The following PRSS38 variants were observed in gnomAD, a reference collection of about 807,000 sequenced individuals.
PRSS38 encodes the protein serine protease 38, also known as marapsin 2.
Under a neutral mutation model 26.8 loss-of-function variants are expected in PRSS38, and 22 were observed. That is an observed-to-expected ratio of 0.82 (90% CI 0.59 to 1.17). The LOEUF is 1.17. PRSS38 is among the 50% of genes most tolerant of loss of function. The probability of loss-of-function intolerance (pLI) is 0.00; values close to 1 mark genes in which losing one functional copy is unlikely to be tolerated. For missense variants in PRSS38, 427 were observed against 422.7 expected, an observed-to-expected ratio of 1.01 and a Z score of -0.09; for synonymous variants, 175 against 172.1, an observed-to-expected ratio of 1.02 and a Z score of -0.13.
At chr1:227,839,723 T>C (rs1041013727) in intron 3 of PRSS38, among the ~76,000 whole-genome samples, 8 of 152,100 alleles carry the variant, frequency 5.3e-5, no homozygotes, top group Non-Finnish European at 1.0e-4. Context: ...ACCACTCTTT[T>C]TGAGGTAACA....
intron 3 of PRSS38, among the ~76,000 whole-genome samples, chr1:227,830,763 C>A (rs532062292): frequency 2.4e-4 from 36 of 152,052 alleles, no homozygotes; most frequent in Admixed American, 1.5e-3. Context: ...CCTCGGCCCC[C>A]CAAAGTGCTG....
chr1:227,829,032 T>C (rs1345486067), intron 3 of PRSS38, among the ~76,000 whole-genome samples: 2 of 152,174 alleles, frequency 1.3e-5, no homozygotes, highest in Non-Finnish European at 2.9e-5. Flanking sequence ...AGGGATTCCT[T>C]TGGGTCCATG....
rs568792586 is a variant in PRSS38 at position 227,828,491 on chromosome 1, C to T, written c.583+11011C>T. On this transcript the variant is annotated intron_variant, in intron 3 of 4. Transcript: ENST00000366757. The stretch of plus-strand genomic sequence containing the variant: ...TGAGCCTCACCTCCATGGCACCCCA[C>T]AAGTTAAGACTACTGGCTTGGAATT... Among the ~76,000 whole-genome samples the T allele has an allele frequency of 3.3e-5, 5 of 152,288 alleles. No homozygotes were observed. The East Asian group carries it at 9.6e-4, about 29-fold the overall frequency.
intron 3 of PRSS38, among the ~76,000 whole-genome samples, chr1:227,834,613 G>A (rs1447217589): frequency 6.6e-6 from 1 of 152,024 alleles, no homozygotes; most frequent in African/African-American, 2.4e-5. Flanking sequence ...AGGTTGCAGT[G>A]AGCCGAGATT....
At chr1:227,822,990 T>G (rs192941383) in intron 3 of PRSS38, among the ~76,000 whole-genome samples, 3 of 152,348 alleles carry the variant, frequency 2.0e-5, no homozygotes, top group East Asian at 3.9e-4. Flanking sequence ...GTTTGCTACA[T>G]GGATATATTG....
chr1:227,817,503 T>C (rs1664941264), intron 3 of PRSS38, 23 bp downstream of exon 3: 1 of 1,606,510 alleles, frequency 6.2e-7, no homozygotes, highest in South Asian at 1.1e-5. Flanking sequence ...TGCAGGGCTT[T>C]GTGGGCAGGA....
intron 3 of PRSS38, among the ~76,000 whole-genome samples, chr1:227,835,892 T>C (rs749116289): frequency 2.6e-5 from 4 of 152,200 alleles, no homozygotes; most frequent in Non-Finnish European, 5.9e-5. Context: ...TGCCACTGAT[T>C]TGTCTGCTTT....
At chr1:227,815,888 T>C (rs1337424277) in intron 1 of PRSS38, 24 bp downstream of exon 1, 1 of 1,582,708 alleles carries the variant, frequency 6.3e-7, no homozygotes, top group South Asian at 1.1e-5. Context: ...CAGGGGCGGA[T>C]GGGCGGCTGG....
At chr1:227,842,020 G>T (rs547364337) in intron 3 of PRSS38, among the ~76,000 whole-genome samples, 5 of 152,174 alleles carry the variant, frequency 3.3e-5, no homozygotes, top group African/African-American at 1.2e-4. Flanking sequence ...TTAACAACCA[G>T]CTCTCTCTGT....
intron 3 of PRSS38, among the ~76,000 whole-genome samples, chr1:227,840,073 T>A (rs1665296308): frequency 1.3e-5 from 2 of 152,176 alleles, no homozygotes; most frequent in Admixed American, 6.5e-5. Context: ...TCAGATCCAC[T>A]CCATTGCTTG....
At chr1:227,846,320 A>C (rs1406972900) in exon 5 of PRSS38, 2 of 1,375,764 alleles carry the variant, frequency 1.5e-6, no homozygotes, top group African/African-American at 2.9e-5. Flanking sequence ...GACAAGGGCC[A>C]CCTATCCCGG....
intron 4 of PRSS38, 102 bp downstream of exon 4, chr1:227,845,714 C>A: frequency 7.2e-7 from 1 of 1,387,412 alleles, no homozygotes; most frequent in Non-Finnish European, 9.9e-7. Flanking sequence ...AGGAGCCCTG[C>A]AGCCATGCCC....
At chr1:227,840,433 T>C (rs1665320372) in intron 3 of PRSS38, among the ~76,000 whole-genome samples, 1 of 149,964 alleles carries the variant, frequency 6.7e-6, no homozygotes, top group South Asian at 2.1e-4. Flanking sequence ...CACTTTTAAA[T>C]GGTTGGGGCG....
At chr1:227,831,314 C>T (rs1256013535) in intron 3 of PRSS38, among the ~76,000 whole-genome samples, 1 of 152,094 alleles carries the variant, frequency 6.6e-6, no homozygotes, top group Non-Finnish European at 1.5e-5. Context: ...TTGGTGAATT[C>T]CAAATAAAAT....
In PRSS38 at chr1:227,828,356, A is replaced by G. The variant is rs150723537; in HGVS notation, c.583+10876A>G. Among the ~76,000 whole-genome samples the G allele has an allele frequency of 9.7e-4, 148 of 152,284 alleles. 2 individuals are homozygous for G. The highest frequency in any genetic ancestry group is 2.9e-3 in the Admixed American group (45 of 15,286). The stretch of plus-strand genomic sequence containing the variant: ...TTGTAGGTCTCTAATAACTTGCGTT[A>G]TGAATCTGGGTGCTCCTGTATTGGG... On this transcript the variant is annotated intron_variant, in intron 3 of 4. Coordinates refer to ENST00000366757, the Ensembl canonical transcript of PRSS38.
At chr1:227,817,344 T>C (rs776548605) in exon 3 of PRSS38, 1 of 1,613,956 alleles carries the variant, frequency 6.2e-7, no homozygotes, top group Non-Finnish European at 8.5e-7. Flanking sequence ...CCATCGGAGG[T>C]GACGTGGCCC....
intron 3 of PRSS38, among the ~76,000 whole-genome samples, chr1:227,844,451 T>C (rs1198228446): frequency 6.6e-6 from 1 of 151,310 alleles, no homozygotes; most frequent in Non-Finnish European, 1.5e-5. Flanking sequence ...CTCCTCCCTA[T>C]GTGTAGTCAG....
chr1:227,833,890 G>T (rs1365042431), intron 3 of PRSS38, among the ~76,000 whole-genome samples: 1 of 152,176 alleles, frequency 6.6e-6, no homozygotes, highest in Non-Finnish European at 1.5e-5. Flanking sequence ...TCCCCCAAAA[G>T]ATATGTTGAA....
chr1:227,845,414 C>T (rs1198625062), intron 3 of PRSS38, 56 bp from the exon 4 acceptor site: 18 of 1,266,470 alleles, frequency 1.4e-5, no homozygotes, highest in Non-Finnish European at 2.0e-5. Flanking sequence ...GGGCAGGGAT[C>T]CCCCCACCCC....
Sources: allele counts gnomAD v4.1 joint callset (sites outside exome capture counted in the v4.1 genomes callset), GRCh38; gene constraint gnomAD v4.1.1; transcripts MANE v1.5; gene names NCBI Gene and HGNC (gene_info 2026-07-23, HGNC 2026-07-21).